AGMO: variants seen among roughly 807,000 people sequenced by gnomAD.
AGMO encodes alkylglycerol monooxygenase.
A neutral mutation model predicts 60.2 loss-of-function variants in AGMO; 75 were observed. That is an observed-to-expected ratio of 1.25 (90% CI 1.03 to 1.51). The LOEUF (loss-of-function observed/expected upper bound fraction) is 1.51. Ranked by LOEUF, AGMO falls within the 40% of genes most tolerant of loss-of-function variation. AGMO has a pLI of 0.00. For missense variants in AGMO, 763 were observed against 525.5 expected, an observed-to-expected ratio of 1.45 and a Z score of -4.42; for synonymous variants, 261 against 177.1, an observed-to-expected ratio of 1.47 and a Z score of -3.76.
In AGMO at chr7:15,560,215, G is replaced by T; in HGVS notation, c.183C>A (p.Leu61=). 1 of 1,613,034 alleles carries T rather than the reference G, an allele frequency of 6.2e-7. No individual in the cohort carries two copies. Among genetic ancestry groups the T allele is most frequent in the Non-Finnish European group, 8.5e-7 (1 of 1,179,306 alleles). ...MLLELVVSWI[L]KGKPPGRLDD... ...CCAGGCGACCTGGTGGCTTTCCTTT[G>T]AGAATCCAGCTGACAACAAGTTCAA... Residue 61 remains leucine, a synonymous_variant, in exon 2 of 13, where the codon CTC becomes CTA. Coordinates refer to ENST00000342526, the MANE Select transcript of AGMO (RefSeq NM_001004320.2).
At chr7:15,406,356 A>T (rs957275148) in intron 5 of AGMO, among the ~76,000 whole-genome samples, 1 of 145,904 alleles carries the variant, frequency 6.9e-6, no homozygotes, top group Non-Finnish European at 1.5e-5. Context: ...GTGTATATAT[A>T]TGTATATACA....
At chr7:15,466,048 A>C (rs945498537) in intron 3 of AGMO, among the ~76,000 whole-genome samples, 1 of 152,312 alleles carries the variant, frequency 6.6e-6, no homozygotes, top group African/African-American at 2.4e-5. Flanking sequence ...AAGTGAATAA[A>C]AGGGACCAAA....
At chr7:15,334,094 T>C (rs1301900849) in intron 12 of AGMO, among the ~76,000 whole-genome samples, 1 of 152,116 alleles carries the variant, frequency 6.6e-6, no homozygotes, top group East Asian at 1.9e-4. Flanking sequence ...TACAAGTGCC[T>C]ATATTTTCTT....
In AGMO at chr7:15,483,110, T is replaced by C. The variant is rs190283266; in HGVS notation, c.410-52002A>G. Among the ~76,000 whole-genome samples, 50 of 152,280 alleles carry C rather than the reference T, an allele frequency of 3.3e-4. No individual in the cohort carries two copies. In the South Asian group the frequency reaches 5.2e-3, roughly 16 times the overall value. ...AAAGAAGAAAATAATACTGTTACTG[T>C]AGCAGACATTAGAATTATGTATTTA... is the stretch of plus-strand genomic sequence containing the variant. On this transcript the variant is annotated intron_variant, in intron 3 of 12. Transcript: ENST00000342526.
At position 15,289,291 on chromosome 7, in the gene AGMO, T is replaced by G. The variant is rs897619557; in HGVS notation, c.1263+76223A>C. Among the ~76,000 whole-genome samples the G allele has an allele frequency of 5.9e-5, 9 of 151,468 alleles. No individual in the cohort carries two copies. In the South Asian group the frequency reaches 1.9e-3, roughly 32 times the overall value. The stretch of plus-strand genomic sequence containing the variant: ...TTTATTTAGAATGTTAATTGTTTCT[T>G]TATAGAATTAAATGATAAATTATTT... On this transcript the variant is annotated intron_variant, in intron 12 of 12. Coordinates refer to ENST00000342526, the MANE Select transcript of AGMO (RefSeq NM_001004320.2).
chr7:15,418,040 G>C (rs1780822726), intron 5 of AGMO, among the ~76,000 whole-genome samples: 1 of 151,838 alleles, frequency 6.6e-6, no homozygotes, highest in Non-Finnish European at 1.5e-5. Flanking sequence ...CATTTCTTCA[G>C]GTTTTTTTGG....
At chr7:15,560,062 C>T (rs1785261355) in intron 2 of AGMO, 79 bp downstream of exon 2, 1 of 1,281,372 alleles carries the variant, frequency 7.8e-7, no homozygotes, top group Non-Finnish European at 1.0e-6. Context: ...ACTAATTCTC[C>T]CATGCATTGG....
intron 12 of AGMO, among the ~76,000 whole-genome samples, chr7:15,334,965 A>G (rs979561186): frequency 6.6e-6 from 1 of 152,200 alleles, no homozygotes; most frequent in Non-Finnish European, 1.5e-5. Context: ...GTCATGCACC[A>G]AAATTAAATG....
At chr7:15,361,546 A>AAAAAAAAAAAAAAAAAAAAAAAAAAAG (rs60239009) in intron 12 of AGMO, among the ~76,000 whole-genome samples, 5 of 91,418 alleles carry the variant, frequency 5.5e-5, no homozygotes, top group African/African-American at 1.3e-4. Context: ...TCTCAAAAAA[A>AAAAAAAAAAAAAAAAAAAAAAAAAAAG]AAAAAAAAGG....
At chr7:15,237,188 C>A (rs1782448258) in intron 12 of AGMO, among the ~76,000 whole-genome samples, 1 of 152,086 alleles carries the variant, frequency 6.6e-6, no homozygotes, top group Non-Finnish European at 1.5e-5. Flanking sequence ...CAAGAGGAAG[C>A]AGATTCCAGA....
At chr7:15,118,350 G>C in the AGMO span, among the ~76,000 whole-genome samples, 1 of 152,046 alleles carries the variant, frequency 6.6e-6, no homozygotes, top group Middle Eastern at 3.4e-3. Flanking sequence ...TTTTAGGGGA[G>C]ATTATAGTTA....
At chr7:15,233,789 C>T (rs1325086864) in intron 12 of AGMO, among the ~76,000 whole-genome samples, 2 of 152,138 alleles carry the variant, frequency 1.3e-5, no homozygotes, top group African/African-American at 2.4e-5. Flanking sequence ...CAGTGGCTCA[C>T]ACCTGTAATC....
At chr7:15,530,780 T>C (rs865888904) in intron 3 of AGMO, among the ~76,000 whole-genome samples, 1 of 113,564 alleles carries the variant, frequency 8.8e-6, no homozygotes, top group East Asian at 2.2e-4. Context: ...TTTCTATATA[T>C]ATTCTATATA....
rs553921306 is a variant in AGMO at position 15,477,203 on chromosome 7, G to T, written c.410-46095C>A. ...CAAAGTTGAGAATTTTAAGTTAAAGGTATGAATGAAACATTAAAATAAATA... is the reference window on the plus strand; with the variant it reads ...CAAAGTTGAGAATTTTAAGTTAAAGTTATGAATGAAACATTAAAATAAATA... On this transcript the variant is annotated intron_variant, in intron 3 of 12. Coordinates refer to ENST00000342526, the MANE Select transcript of AGMO (RefSeq NM_001004320.2). 1.0e-3 allele frequency among the ~76,000 whole-genome samples: 153 copies of T among 151,368 alleles called. 2 individuals carry two copies. Among genetic ancestry groups the T allele is most frequent in the African/African-American group, 3.5e-3 (145 of 40,874 alleles).
At chr7:15,190,369 T>C in the AGMO span, among the ~76,000 whole-genome samples, 1 of 151,684 alleles carries the variant, frequency 6.6e-6, no homozygotes, top group Admixed American at 6.6e-5. Flanking sequence ...TATCAACTAG[T>C]AAGTCAAAAT....
At chr7:15,507,582 T>G (rs148689652) in intron 3 of AGMO, among the ~76,000 whole-genome samples, 449 of 152,212 alleles carry the variant, frequency 2.9e-3, no homozygotes, top group Non-Finnish European at 4.7e-3. Context: ...TGGTTTAAAA[T>G]AAATTTAACA....
chr7:15,188,051 A>T, the AGMO span, among the ~76,000 whole-genome samples: 1 of 152,150 alleles, frequency 6.6e-6, no homozygotes, highest in South Asian at 2.1e-4. Flanking sequence ...AAGCTTGCAA[A>T]TGAGACCCGC....
chr7:15,232,922 A>T (rs927730910), intron 12 of AGMO, among the ~76,000 whole-genome samples: 9 of 152,122 alleles, frequency 5.9e-5, no homozygotes, highest in Admixed American at 5.9e-4. Flanking sequence ...AGGGTAAAAG[A>T]GGGAGAAAAA....
chr7:15,196,217 C>T (rs967773571), downstream of AGMO, among the ~76,000 whole-genome samples: 3 of 146,154 alleles, frequency 2.1e-5, no homozygotes, highest in Non-Finnish European at 4.5e-5. Flanking sequence ...AATTTTTATA[C>T]TTTTTTTTTT....
Sources: allele counts gnomAD v4.1 joint callset (sites outside exome capture counted in the v4.1 genomes callset), GRCh38; gene constraint gnomAD v4.1.1; transcripts MANE v1.5; gene names NCBI Gene and HGNC (gene_info 2026-07-23, HGNC 2026-07-21).